NALF1: variants seen among roughly 807,000 people sequenced by gnomAD.
NALF1 encodes family with sequence similarity 155 member A.
In NALF1, 3 loss-of-function variants were observed where a neutral mutation model predicts 48.4. That is an observed-to-expected ratio of 0.06 (90% confidence interval 0.03 to 0.16). The LOEUF is 0.16. NALF1 is among the 10% of genes least tolerant of loss of function. NALF1 has a pLI of 1.00. For missense variants in NALF1, 526 were observed against 571.5 expected, an observed-to-expected ratio of 0.92 and a Z score of 0.81; for synonymous variants, 262 against 245.7, an observed-to-expected ratio of 1.07 and a Z score of -0.62.
intron 1 of NALF1, among the ~76,000 whole-genome samples, chr13:107,778,117 G>C (rs545146369): frequency 2.6e-5 from 4 of 152,152 alleles, no homozygotes; most frequent in Non-Finnish European, 5.9e-5. Context: ...ATGAAATAAC[G>C]TGTGAAAACA....
chr13:107,492,032 GTTTT>G (rs762750416), intron 1 of NALF1, among the ~76,000 whole-genome samples: 2 of 103,372 alleles, frequency 1.9e-5, no homozygotes, highest in Non-Finnish European at 3.8e-5. Context: ...GCCTGTCTGG[GTTTT>G]TTTTTGTTTT....
chr13:107,606,223 A>C (rs571319663), intron 1 of NALF1, among the ~76,000 whole-genome samples: 1 of 152,254 alleles, frequency 6.6e-6, no homozygotes, highest in East Asian at 1.9e-4. Flanking sequence ...CTACTCCCTA[A>C]GGAAACATGC....
intron 1 of NALF1, among the ~76,000 whole-genome samples, chr13:107,781,846 T>A (rs371794017): frequency 6.6e-6 from 1 of 152,348 alleles, no homozygotes; most frequent in East Asian, 1.9e-4. Flanking sequence ...ATACAAGTTT[T>A]ATTAATTATC....
At chr13:107,575,361 A>G (rs1032757840) in intron 1 of NALF1, among the ~76,000 whole-genome samples, 2 of 152,190 alleles carry the variant, frequency 1.3e-5, no homozygotes, top group African/African-American at 4.8e-5. Flanking sequence ...CCCAAAGTCA[A>G]TCTGGTCAAA....
At chr13:107,634,197 G>C (rs549453014) in intron 1 of NALF1, among the ~76,000 whole-genome samples, 1 of 152,108 alleles carries the variant, frequency 6.6e-6, no homozygotes, top group African/African-American at 2.4e-5. Context: ...CTCTGGAAAG[G>C]GAGGCAAAGA....
At chr13:107,422,450 C>T (rs1380735441) in intron 1 of NALF1, among the ~76,000 whole-genome samples, 1 of 151,470 alleles carries the variant, frequency 6.6e-6, no homozygotes, top group Non-Finnish European at 1.5e-5. Context: ...AAAACTACTG[C>T]ATGAATAATA....
chr13:107,801,976 C>T (rs1057059740), intron 1 of NALF1, among the ~76,000 whole-genome samples: 12 of 151,654 alleles, frequency 7.9e-5, no homozygotes, highest in Non-Finnish European at 1.5e-5. Flanking sequence ...ATGTTTTTTG[C>T]CTATGATTTT....
At chr13:107,461,984 A>G (rs1023928716) in intron 1 of NALF1, among the ~76,000 whole-genome samples, 3 of 152,158 alleles carry the variant, frequency 2.0e-5, no homozygotes, top group African/African-American at 7.2e-5. Context: ...GGTTATTCAC[A>G]TTCTTATGTT....
chr13:107,589,307 C>G (rs9559077), intron 1 of NALF1, among the ~76,000 whole-genome samples: 3 of 151,866 alleles, frequency 2.0e-5, no homozygotes, highest in Non-Finnish European at 4.4e-5. Flanking sequence ...TTCGGGGTCA[C>G]GAGTGAAGCC....
intron 1 of NALF1, among the ~76,000 whole-genome samples, chr13:107,788,050 G>A (rs1393030502): frequency 6.6e-6 from 1 of 152,166 alleles, no homozygotes; most frequent in Admixed American, 6.5e-5. Flanking sequence ...AGCTTGCCCA[G>A]CGGAGCCACC....
chr13:107,808,857 G>A (rs951606621), intron 1 of NALF1, among the ~76,000 whole-genome samples: 4 of 151,930 alleles, frequency 2.6e-5, no homozygotes, highest in African/African-American at 9.7e-5. Flanking sequence ...CATCCAAATC[G>A]AAATGCCTTT....
At chr13:107,224,397 T>C (rs1016298944) in intron 1 of NALF1, among the ~76,000 whole-genome samples, 1 of 150,000 alleles carries the variant, frequency 6.7e-6, no homozygotes, top group African/African-American at 2.4e-5. Flanking sequence ...ATACAAATGA[T>C]ACCTCCATTT....
intron 1 of NALF1, among the ~76,000 whole-genome samples, chr13:107,693,863 TCA>T (rs1405323695): frequency 6.6e-6 from 1 of 152,200 alleles, no homozygotes; most frequent in Non-Finnish European, 1.5e-5. Flanking sequence ...GCTACTTGTT[TCA>T]CACACTGACT....
chr13:107,760,109 G>T (rs2138560555), intron 1 of NALF1, among the ~76,000 whole-genome samples: 1 of 152,312 alleles, frequency 6.6e-6, no homozygotes, highest in East Asian at 1.9e-4. Flanking sequence ...GCAAACCTTA[G>T]CAAGTTATGC....
At position 107,521,938 on chromosome 13, in the gene NALF1, C is replaced by CAT. The variant is rs1262109095; in HGVS notation, c.916-311184_916-311183insAT. Among the ~76,000 whole-genome samples, 53 of 150,612 alleles carry CAT rather than the reference C, an allele frequency of 3.5e-4. No individual in the cohort carries two copies. In the South Asian group the frequency reaches 8.3e-3, roughly 24 times the overall value. ...CTTCTTCAACTTACACACACACACACACATACACACACACACACACACAGA... is the reference window on the plus strand; with the variant it reads ...CTTCTTCAACTTACACACACACACACATACATACACACACACACACACACAGA... On this transcript the variant is annotated intron_variant, in intron 1 of 2. Coordinates refer to ENST00000375915, the MANE Select transcript of NALF1 (RefSeq NM_001080396.3).
intron 1 of NALF1, among the ~76,000 whole-genome samples, chr13:107,672,061 T>C (rs192319514): frequency 1.6e-4 from 24 of 152,252 alleles, no homozygotes; most frequent in Admixed American, 1.4e-3. Flanking sequence ...GTGAAAGCCC[T>C]AACATGTTCG....
intron 2 of NALF1, among the ~76,000 whole-genome samples, chr13:107,184,055 G>A (rs1879123124): frequency 6.6e-6 from 1 of 151,140 alleles, no homozygotes; most frequent in Admixed American, 6.6e-5. Context: ...ATGGCTCACG[G>A]CAACCTCTGC....
chr13:107,332,833 T>C (rs1023075223), intron 1 of NALF1, among the ~76,000 whole-genome samples: 6 of 151,894 alleles, frequency 4.0e-5, no homozygotes, highest in African/African-American at 1.5e-4. Flanking sequence ...TTTTTGTTTG[T>C]TTGTTTTTGT....
At chr13:107,619,908 G>A (rs1275153230) in intron 1 of NALF1, among the ~76,000 whole-genome samples, 1 of 152,128 alleles carries the variant, frequency 6.6e-6, no homozygotes, top group African/African-American at 2.4e-5. Flanking sequence ...AAAAATTTTA[G>A]AAACTTGAAT....
Sources: allele counts gnomAD v4.1 joint callset (sites outside exome capture counted in the v4.1 genomes callset), GRCh38; gene constraint gnomAD v4.1.1; transcripts MANE v1.5; gene names NCBI Gene and HGNC (gene_info 2026-07-23, HGNC 2026-07-21).